PLEKHA7: variants seen among roughly 807,000 people sequenced by gnomAD.
The protein encoded by PLEKHA7 is pleckstrin homology domain-containing family A member 7.
Under a neutral mutation model 170.0 loss-of-function variants are expected in PLEKHA7, and 104 were observed. That is an observed-to-expected ratio of 0.61 (90% CI 0.52 to 0.72). The LOEUF is 0.72. Among genes scored for constraint, PLEKHA7 ranks in the 30% least tolerant of loss-of-function variants. The pLI is 0.00. For missense variants in PLEKHA7, 1,615 were observed against 1,671.7 expected (o/e 0.97, Z 0.59); for synonymous variants, 648 against 660.8 (o/e 0.98, Z 0.30).
chr11:16,969,167 G>A (rs560473298), intron 3 of PLEKHA7, among the ~76,000 whole-genome samples: 32 of 152,132 alleles, frequency 2.1e-4, no homozygotes, highest in East Asian at 3.9e-4. Context: ...TCCCATCCCC[G>A]CCACTCCCAA....
intron 3 of PLEKHA7, among the ~76,000 whole-genome samples, chr11:16,940,476 G>A (rs1379182517): frequency 6.6e-6 from 1 of 151,890 alleles, no homozygotes; most frequent in Non-Finnish European, 1.5e-5. Flanking sequence ...TTTTAGTACA[G>A]ACGGGGTTCC....
chr11:16,833,076 T>C (rs75775323), intron 9 of PLEKHA7, among the ~76,000 whole-genome samples: 29 of 152,168 alleles, frequency 1.9e-4, no homozygotes, highest in African/African-American at 7.0e-4. Flanking sequence ...CAGGGAGAAA[T>C]GGAGAAGGGA....
At chr11:16,929,676 C>T (rs1388327981) in intron 3 of PLEKHA7, among the ~76,000 whole-genome samples, 1 of 152,218 alleles carries the variant, frequency 6.6e-6, no homozygotes, top group Non-Finnish European at 1.5e-5. Context: ...AAAGGAACTG[C>T]ACCACCTCAG....
chr11:16,907,990 G>A (rs1227831578), intron 3 of PLEKHA7, among the ~76,000 whole-genome samples: 1 of 150,624 alleles, frequency 6.6e-6, no homozygotes, highest in Non-Finnish European at 1.5e-5. Context: ...TCTGAAACAT[G>A]TGCTGTGTCC....
chr11:16,817,523 C>A lies in PLEKHA7; in HGVS notation c.1344-201G>T. The A allele has an allele frequency of 1.9e-6, 1 of 520,370 alleles. No individual in the cohort carries two copies. Among genetic ancestry groups the A allele is most frequent in the Admixed American group, 3.4e-5 (1 of 29,028 alleles). 32.2% of individuals were successfully genotyped at this position (520,370 alleles called of 1,614,324 possible). ...CTCCAAAACCATTTTTCTCTGTCAA[C>A]TTCCTCTGCCAGGACAACTTGGCTA... On this transcript the variant is annotated intron_variant, in intron 10 of 26. Transcript: ENST00000531066. The surrounding 1 kb of genome is among the most constrained non-coding windows in gnomAD (Gnocchi z 4.4).
intron 3 of PLEKHA7, among the ~76,000 whole-genome samples, chr11:16,911,455 C>T (rs900941305): frequency 3.9e-5 from 6 of 152,202 alleles, no homozygotes; most frequent in South Asian, 4.1e-4. Flanking sequence ...AGACTCAGGA[C>T]ATCAAGTCGT....
At chr11:16,908,742 C>A (rs177551) in intron 3 of PLEKHA7, among the ~76,000 whole-genome samples, 19,485 of 152,102 alleles carry the variant, frequency 0.13, 1,314 homozygotes, top group Admixed American at 0.17. Flanking sequence ...GTGATCCACC[C>A]GGCTCAGCCT....
At chr11:16,998,751 C>A (rs1263642898) in intron 3 of PLEKHA7, among the ~76,000 whole-genome samples, 1 of 152,064 alleles carries the variant, frequency 6.6e-6, no homozygotes. Flanking sequence ...CCAATTACAT[C>A]TAGAAATGCA....
intron 16 of PLEKHA7, 138 bp from the exon 17 acceptor site, chr11:16,801,213 G>C: frequency 2.7e-6 from 2 of 741,242 alleles, no homozygotes; most frequent in South Asian, 1.6e-5. Context: ...GTGGGAGAGA[G>C]AGAGGAGCAG....
At chr11:16,880,223 C>T (rs940266766) in intron 3 of PLEKHA7, among the ~76,000 whole-genome samples, 2 of 152,208 alleles carry the variant, frequency 1.3e-5, no homozygotes, top group African/African-American at 4.8e-5. Context: ...CAGGTAGGTT[C>T]TCCATCTAGA....
Position 16,826,537 on chromosome 11 carries a change from G to T in PLEKHA7, c.926C>A (p.Ser309Tyr), listed in dbSNP as rs763742209. The T allele has an allele frequency of 6.2e-7, 1 of 1,614,034 alleles. No individual in the cohort carries two copies. Among genetic ancestry groups the T allele is most frequent in the East Asian group, 2.2e-5 (1 of 44,888 alleles). The change falls in exon 10 of 27, where the codon TCC becomes TAC. Residue 309 changes from serine (S) to tyrosine (Y), a missense_variant. Ser to Tyr is a moderately radical substitution (Grantham distance 144). Coordinates refer to ENST00000531066, the MANE Select transcript of PLEKHA7 (RefSeq NM_001329630.2). ...QAVPQANHTE[S>Y]CHECGRVGPG... ...TCCCACCCGGCCACATTCGTGACAG[G>T]ACTCTGTGTGGTTGGCCTGGGGGAC...
intron 4 of PLEKHA7, among the ~76,000 whole-genome samples, chr11:16,856,307 T>G (rs529032264): frequency 6.6e-6 from 1 of 152,162 alleles, no homozygotes; most frequent in Admixed American, 6.5e-5. Context: ...CACACCTCCA[T>G]TTCCCTGGCT....
intron 13 of PLEKHA7, among the ~76,000 whole-genome samples, chr11:16,811,199 T>C (rs566228665): frequency 1.3e-5 from 2 of 152,286 alleles, no homozygotes; most frequent in African/African-American, 4.8e-5. Context: ...CACTGTCACA[T>C]ACAAACAGGA....
chr11:16,816,807 G>A lies in PLEKHA7; in HGVS notation c.1859C>T (p.Ala620Val). The A allele has an allele frequency of 6.2e-7, 1 of 1,613,698 alleles. No homozygotes were observed. The highest frequency in any genetic ancestry group is 1.1e-5 in the South Asian group (1 of 91,056). The stretch of plus-strand genomic sequence containing the variant: ...GAGCTTCCCGAGCCTCACCTTGACA[G>A]CGTGGCCCCGTGCCCTCCTTGGAGA... The part of the protein sequence containing the change: ...GDSPRRARGH[A>V]VKNSSHVDRR... The change falls in exon 11 of 27, where the codon GCT (alanine) becomes GTT (valine). Residue 620 changes from alanine to valine, a missense_variant. Transcript: ENST00000531066.
chr11:16,918,887 TACTC>T (rs1192410120), intron 3 of PLEKHA7, among the ~76,000 whole-genome samples: 2 of 151,990 alleles, frequency 1.3e-5, no homozygotes. Context: ...AAACATTACA[TACTC>T]ACATAAAAAA....
intron 6 of PLEKHA7, among the ~76,000 whole-genome samples, chr11:16,854,598 G>A (rs1853270537): frequency 1.3e-5 from 2 of 152,236 alleles, no homozygotes; most frequent in Admixed American, 6.5e-5. Flanking sequence ...TAGGAAGGCT[G>A]GATTCAAGCT....
intron 10 of PLEKHA7, among the ~76,000 whole-genome samples, chr11:16,820,142 G>A (rs1415073733): frequency 6.6e-6 from 1 of 152,188 alleles, no homozygotes; most frequent in African/African-American, 2.4e-5. Flanking sequence ...AAACTCTGGG[G>A]ATGGTGCCCA....
chr11:16,936,608 C>G (rs1330017778), intron 3 of PLEKHA7, among the ~76,000 whole-genome samples: 1 of 152,152 alleles, frequency 6.6e-6, no homozygotes, highest in African/African-American at 2.4e-5. Context: ...CATGCCTCTT[C>G]TCTCCCTTTC....
At chr11:16,925,829 G>A (rs1268698666) in intron 3 of PLEKHA7, among the ~76,000 whole-genome samples, 1 of 152,254 alleles carries the variant, frequency 6.6e-6, no homozygotes, top group East Asian at 1.9e-4. Flanking sequence ...AGGTGCTGCC[G>A]TTCGGCCAGG....
Sources: allele counts gnomAD v4.1 joint callset (sites outside exome capture counted in the v4.1 genomes callset), GRCh38; gene constraint gnomAD v4.1.1; non-coding constraint Gnocchi (gnomAD v3.1); transcripts MANE v1.5; gene names NCBI Gene and HGNC (gene_info 2026-07-23, HGNC 2026-07-21).